The following MEOX2 variants were observed in gnomAD, a reference collection of about 807,000 sequenced individuals.
MEOX2 encodes mesenchyme homeobox 2, also known as homeobox protein MOX-2.
A neutral mutation model predicts 27.0 loss-of-function variants in MEOX2; 11 were observed. The ratio of observed to expected loss-of-function variants is 0.41; its 90% CI spans 0.26 to 0.68. MEOX2 has a LOEUF of 0.68. MEOX2 is among the 30% of genes least tolerant of loss of function. MEOX2 has a pLI of 0.33. For synonymous variants in MEOX2, 189 were observed against 155.4 expected (o/e 1.22, Z -1.61); for missense variants, 436 against 385.4 (o/e 1.13, Z -1.10).
In MEOX2 at chr7:15,672,087, C is replaced by T. The variant is rs143417435; in HGVS notation, c.517+13799G>A. Among the ~76,000 whole-genome samples, 60 of 149,862 alleles carry T rather than the reference C, an allele frequency of 4.0e-4. 1 individual carries two copies. In the East Asian group the frequency reaches 0.011, roughly 28 times the overall value. On this transcript the variant is annotated intron_variant, in intron 1 of 2. Coordinates refer to ENST00000262041, the MANE Select transcript of MEOX2 (RefSeq NM_005924.5). ...CAACCTGGGTGACAGAGCAAGACTCCGTTTAAAAAAAAACAAAAAAAACAA... is the reference window on the plus strand; with the variant it reads ...CAACCTGGGTGACAGAGCAAGACTCTGTTTAAAAAAAAACAAAAAAAACAA...
chr7:15,665,908 T>G (rs1239949138), intron 1 of MEOX2, among the ~76,000 whole-genome samples: 1 of 152,232 alleles, frequency 6.6e-6, no homozygotes, highest in East Asian at 1.9e-4. Flanking sequence ...CTCAATGGGA[T>G]GCTATTATTC....
At chr7:15,675,871 C>G (rs1782184836) in intron 1 of MEOX2, 1 of 152,132 alleles carries the variant, frequency 6.6e-6, no homozygotes. Context: ...CCTCCCAGTT[C>G]TTCTATTATC....
chr7:15,666,550 A>G (rs1459875953), intron 1 of MEOX2, among the ~76,000 whole-genome samples: 1 of 151,022 alleles, frequency 6.6e-6, no homozygotes, highest in Non-Finnish European at 1.5e-5. Context: ...TCAGGAGTTC[A>G]TGACCAGCCT....
intron 1 of MEOX2, among the ~76,000 whole-genome samples, chr7:15,685,247 C>T (rs894894861): frequency 2.0e-5 from 3 of 152,122 alleles, no homozygotes; most frequent in African/African-American, 7.2e-5. Flanking sequence ...TTCTCTGACA[C>T]ATTCCTTAAA....
At chr7:15,620,402 T>A (rs992051257) in intron 2 of MEOX2, among the ~76,000 whole-genome samples, 1 of 152,060 alleles carries the variant, frequency 6.6e-6, no homozygotes, top group Non-Finnish European at 1.5e-5. Flanking sequence ...GCAGAGAGAT[T>A]GTGTAAAATA....
At chr7:15,633,449 T>A (rs944074717) in intron 1 of MEOX2, among the ~76,000 whole-genome samples, 1 of 152,010 alleles carries the variant, frequency 6.6e-6, no homozygotes, top group South Asian at 2.1e-4. Flanking sequence ...TTTACAGCTG[T>A]CAACAGGGCA....
At chr7:15,674,625 A>C (rs1782163315) in intron 1 of MEOX2, among the ~76,000 whole-genome samples, 1 of 151,972 alleles carries the variant, frequency 6.6e-6, no homozygotes, top group African/African-American at 2.4e-5. Flanking sequence ...ACAAAAGGAA[A>C]AAAGTTATGG....
chr7:15,636,078 C>A (rs2115367185), intron 1 of MEOX2, among the ~76,000 whole-genome samples: 1 of 152,032 alleles, frequency 6.6e-6, no homozygotes, highest in African/African-American at 2.4e-5. Flanking sequence ...ATAGGAGTCA[C>A]ATTCTGCCTA....
chr7:15,632,996 G>C (rs1583752833), intron 1 of MEOX2, among the ~76,000 whole-genome samples: 1 of 151,902 alleles, frequency 6.6e-6, no homozygotes, highest in South Asian at 2.1e-4. Context: ...TTGACATAAA[G>C]CATTCCATTC....
At position 15,612,268 on chromosome 7, in the gene MEOX2, C is replaced by G. The variant is rs1467592156; in HGVS notation, c.*119G>C. Reference sequence around the variant, plus strand: ...ATCATGAAAAACAGATTCGAAATGCCTGGATTTAATAATATTAAACATCAC... The same window carrying G: ...ATCATGAAAAACAGATTCGAAATGCGTGGATTTAATAATATTAAACATCAC... On this transcript the variant is annotated 3_prime_UTR_variant, in exon 3 of 3. Coordinates refer to ENST00000262041, the MANE Select transcript of MEOX2 (RefSeq NM_005924.5). 1.5e-4 allele frequency: 121 copies of G among 827,284 alleles called. No homozygotes were observed. Among genetic ancestry groups the G allele is most frequent in the Non-Finnish European group, 5.8e-6 (3 of 517,384 alleles). The allele number at this position is 827,284 out of a possible 1,614,324, so 51.2% of individuals were successfully genotyped here.
intron 1 of MEOX2, among the ~76,000 whole-genome samples, chr7:15,684,826 T>C (rs188810650): frequency 6.6e-6 from 1 of 152,350 alleles, no homozygotes; most frequent in Admixed American, 6.5e-5. Context: ...AACTCACAAG[T>C]CTCTTAATTT....
At chr7:15,624,157 T>C (rs567542067) in intron 2 of MEOX2, among the ~76,000 whole-genome samples, 1 of 152,214 alleles carries the variant, frequency 6.6e-6, no homozygotes, top group Non-Finnish European at 1.5e-5. Context: ...TTTATTCAGA[T>C]TTTTTTCATA....
chr7:15,677,947 T>C (rs961123154), intron 1 of MEOX2, among the ~76,000 whole-genome samples: 2 of 152,210 alleles, frequency 1.3e-5, no homozygotes, highest in African/African-American at 4.8e-5. Context: ...AAATAAATTA[T>C]ACAGCTCTAC....
chr7:15,625,437 A>G (rs553888520), intron 2 of MEOX2, among the ~76,000 whole-genome samples: 1 of 152,364 alleles, frequency 6.6e-6, no homozygotes, highest in South Asian at 2.1e-4. Flanking sequence ...ATAAAACCAC[A>G]GAAAAGTGTT....
chr7:15,648,930 C>G (rs1374733629), intron 1 of MEOX2, among the ~76,000 whole-genome samples: 1 of 152,014 alleles, frequency 6.6e-6, no homozygotes, highest in Non-Finnish European at 1.5e-5. Context: ...ATGCCTCACT[C>G]CATAAATGAT....
At chr7:15,628,649 A>G (rs534334018) in intron 1 of MEOX2, among the ~76,000 whole-genome samples, 2 of 152,240 alleles carry the variant, frequency 1.3e-5, no homozygotes, top group South Asian at 2.1e-4. Flanking sequence ...GGTGAGTGAC[A>G]TAAGAGATGA....
At position 15,686,395 on chromosome 7, in the gene MEOX2, T is replaced by C. The variant is rs931616801; in HGVS notation, c.8A>G (p.His3Arg). The stretch of plus-strand genomic sequence containing the variant: ...GCTGCGCAGGCAGCCAAAGAGCGGG[T>C]GTTCCATAGCATGCAAGTTTCGGGT... ME[H>R]PLFGCLRSPH... The change falls in exon 1 of 3, where the codon CAC becomes CGC. Residue 3 changes from histidine (H) to arginine (R), a missense_variant. Transcript: ENST00000262041. 1.3e-6 allele frequency: 2 copies of C among 1,569,172 alleles called. No homozygotes were observed. Among genetic ancestry groups the C allele is most frequent in the South Asian group, 2.3e-5 (2 of 85,634 alleles).
intron 1 of MEOX2, among the ~76,000 whole-genome samples, chr7:15,633,136 A>T (rs1249417171): frequency 6.6e-6 from 1 of 151,894 alleles, no homozygotes; most frequent in Admixed American, 6.6e-5. Context: ...CCTATACTAG[A>T]ACGTAAGTGT....
In MEOX2 at chr7:15,612,374, T is replaced by C. The variant is rs760687808; in HGVS notation, c.*13A>G. The C allele has an allele frequency of 6.2e-7, 1 of 1,604,956 alleles. No individual in the cohort carries two copies. Among genetic ancestry groups the C allele is most frequent in the Non-Finnish European group, 8.5e-7 (1 of 1,172,230 alleles). On this transcript the variant is annotated 3_prime_UTR_variant, in exon 3 of 3. Transcript: ENST00000262041. ...ATTTCTTTCCTGAGAATGGAGCTGGTCCTCTGTTTATATCATAAGTGCGCA... is the reference window on the plus strand; with the variant it reads ...ATTTCTTTCCTGAGAATGGAGCTGGCCCTCTGTTTATATCATAAGTGCGCA...
Sources: allele counts gnomAD v4.1 joint callset (sites outside exome capture counted in the v4.1 genomes callset), GRCh38; gene constraint gnomAD v4.1.1; transcripts MANE v1.5; gene names NCBI Gene and HGNC (gene_info 2026-07-23, HGNC 2026-07-21).